SCGB3A1: variants seen among roughly 807,000 people sequenced by gnomAD.
The protein encoded by SCGB3A1 is secretoglobin family 3A member 1.
A neutral mutation model predicts 7.6 loss-of-function variants in SCGB3A1; 7 were observed. The observed-to-expected ratio is 0.93, with a 90% CI of 0.53 to 1.74. The LOEUF is 1.74. SCGB3A1 is among the 40% of genes most tolerant of loss of function. The pLI, the probability that SCGB3A1 is intolerant of heterozygous loss-of-function variation, is 0.00. For synonymous variants in SCGB3A1, 67 were observed against 66.6 expected (o/e 1.01, Z -0.03); for missense variants, 119 against 129.0 (o/e 0.92, Z 0.38).
chr5:180,591,426 G>A lies in SCGB3A1; in HGVS notation c.37C>T (p.Leu13=). The A allele has an allele frequency of 8.1e-7, 1 of 1,227,324 alleles. No individual in the cohort carries two copies. The highest frequency in any genetic ancestry group is 1.0e-6 in the Non-Finnish European group (1 of 985,122). 76.0% of individuals were successfully genotyped at this position (1,227,324 alleles called of 1,614,324 possible). ...GGGCGCTCACCGGAGCTGCAGGACA[G>A]GGCCACGCAGAGCCCCAGGAGGGCG... ...LAALLGLCVA[L]SCSSAAAFLV... The change falls in exon 1 of 3, where the codon CTG becomes TTG. Residue 13 remains leucine, a synonymous_variant. Coordinates refer to ENST00000292641, the MANE Select transcript of SCGB3A1 (RefSeq NM_052863.3).
At chr5:180,590,570 C>G (rs369344250) in intron 2 of SCGB3A1, 30 bp downstream of exon 2, 60 of 1,557,944 alleles carry the variant, frequency 3.9e-5, no homozygotes, top group African/African-American at 2.0e-4. Context: ...GATGCCCGCG[C>G]AGGAAGGGCA....
chr5:180,590,780 C>T lies in SCGB3A1; in HGVS notation c.111G>A (p.Glu37=), dbSNP rs1316580551. The change falls in exon 2 of 3, where the codon GAG becomes GAA. Residue 37 remains glutamate (E), a synonymous_variant. Transcript: ENST00000292641. ...KPVAQPVAAL[E]SAAEAGAGTL... The stretch of plus-strand genomic sequence containing the variant: ...TCCCGGCCCCGGCCTCCGCCGCCGA[C>T]TCCAGCGCAGCGACAGGCTGGGCCA... 1.3e-6 allele frequency: 2 copies of T among 1,596,594 alleles called. No individual in the cohort carries two copies. Among genetic ancestry groups the T allele is most frequent in the Admixed American group, 1.7e-5 (1 of 57,868 alleles).
rs1324340685 is a variant in SCGB3A1, at chr5:180,590,783, C to T, written c.108G>A (p.Leu36=). The T allele has an allele frequency of 6.3e-7, 1 of 1,598,102 alleles. No individual in the cohort carries two copies. The highest frequency in any genetic ancestry group is 8.5e-7 in the Non-Finnish European group (1 of 1,172,902). ...AKPVAQPVAA[L]ESAAEAGAGT... is the part of the protein sequence containing the mutation. ...CGGCCCCGGCCTCCGCCGCCGACTC[C>T]AGCGCAGCGACAGGCTGGGCCACAG... is the stretch of plus-strand genomic sequence containing the variant. Residue 36 remains leucine, a synonymous_variant, in exon 2 of 3, where the codon CTG becomes CTA. Transcript: ENST00000292641.
rs781545845 is a variant in SCGB3A1 at position 180,590,751 on chromosome 5, A to G, written c.140T>C (p.Leu47Pro). 263 of 1,583,614 alleles carry G rather than the reference A, an allele frequency of 1.7e-4. No individual in the cohort carries two copies. Among genetic ancestry groups the G allele is most frequent in the Non-Finnish European group, 2.1e-4 (248 of 1,165,558 alleles). ...ESAAEAGAGTLANPLGTLNPL... is the reference protein window; with the variant it reads ...ESAAEAGAGTPANPLGTLNPL... Reference sequence around the variant, plus strand: ...GTTGAGGGTGCCGAGGGGGTTGGCCAGGGTCCCGGCCCCGGCCTCCGCCGC... The same window carrying G: ...GTTGAGGGTGCCGAGGGGGTTGGCCGGGGTCCCGGCCCCGGCCTCCGCCGC... The change falls in exon 2 of 3, where the codon CTG (leucine) becomes CCG (proline). Residue 47 changes from leucine (L) to proline (P), a missense_variant. By Grantham distance (98) the Leu-to-Pro change is moderately conservative. Transcript: ENST00000292641.
rs183586345 is a variant in SCGB3A1 at position 180,590,388 on chromosome 5, G to A, written c.292-134C>T. ...TGGCGTCTCCGGGGGACGCGCACCC[G>A]CGCGGGGCCATCTCCGCCTTCCCCG... On this transcript the variant is annotated intron_variant, in intron 2 of 2. Coordinates refer to ENST00000292641, the MANE Select transcript of SCGB3A1 (RefSeq NM_052863.3). 205 of 1,245,472 alleles carry A rather than the reference G, an allele frequency of 1.6e-4. 1 individual carries two copies. The highest frequency in any genetic ancestry group is 7.9e-4 in the East Asian group (31 of 39,168). 77.2% of individuals were successfully genotyped at this position (1,245,472 alleles called of 1,614,324 possible).
intron 1 of SCGB3A1, 51 bp downstream of exon 1, chr5:180,591,360 G>A: frequency 1.7e-6 from 2 of 1,190,830 alleles, no homozygotes; most frequent in Non-Finnish European, 2.1e-6. Flanking sequence ...GGCGCAGCGG[G>A]CGCCGAGGCC....
Position 180,590,168 on chromosome 5 carries a change from G to T in SCGB3A1, c.*63C>A. ...GGGATGGACGGTCCTCCCCGCGGCGGGGTTTTCAGCCCTCGCGGGTGGGCA... is the reference window on the plus strand; with the variant it reads ...GGGATGGACGGTCCTCCCCGCGGCGTGGTTTTCAGCCCTCGCGGGTGGGCA... On this transcript the variant is annotated 3_prime_UTR_variant, in exon 3 of 3. Transcript: ENST00000292641. 1 of 1,548,576 alleles carries T rather than the reference G, an allele frequency of 6.5e-7. No homozygotes were observed. Among genetic ancestry groups the T allele is most frequent in the East Asian group, 2.3e-5 (1 of 42,574 alleles).
rs1421912596 is a variant in SCGB3A1 at position 180,590,118 on chromosome 5, G to T, written c.*113C>A. ...CCAGGCTCGAGCTGCTCTTAACCACGTTTATTGAGAGGGGCCGGGGGAAGG... is the reference window on the plus strand; with the variant it reads ...CCAGGCTCGAGCTGCTCTTAACCACTTTTATTGAGAGGGGCCGGGGGAAGG... On this transcript the variant is annotated 3_prime_UTR_variant, in exon 3 of 3. Coordinates refer to ENST00000292641, the MANE Select transcript of SCGB3A1 (RefSeq NM_052863.3). 3.2e-6 allele frequency: 4 copies of T among 1,239,888 alleles called. No individual in the cohort carries two copies. Among genetic ancestry groups the T allele is most frequent in the Non-Finnish European group, 3.5e-6 (3 of 863,352 alleles). The allele number at this position is 1,239,888 out of a possible 1,614,324, so 76.8% of individuals were successfully genotyped here.
intron 2 of SCGB3A1, 118 bp from the exon 3 acceptor site, chr5:180,590,372 C>CG (rs1761289470): frequency 7.3e-7 from 1 of 1,362,858 alleles, no homozygotes; most frequent in Non-Finnish European, 1.0e-6. Flanking sequence ...CTGGCGTCTC[C>CG]GGGGGACGCG....
intron 2 of SCGB3A1, 122 bp from the exon 3 acceptor site, chr5:180,590,376 G>A (rs1037250901): frequency 1.5e-6 from 2 of 1,337,162 alleles, no homozygotes; most frequent in Non-Finnish European, 2.1e-6. Context: ...CGTCTCCGGG[G>A]GACGCGCACC....
At chr5:180,590,865 G>A in intron 1 of SCGB3A1, 27 bp from the exon 2 acceptor site, 2 of 1,555,552 alleles carry the variant, frequency 1.3e-6, no homozygotes, top group Non-Finnish European at 1.8e-6. Flanking sequence ...AGGGGTCACC[G>A]CCTGCGCGCC....
intron 1 of SCGB3A1, 103 bp from the exon 2 acceptor site, chr5:180,590,941 G>GC: frequency 2.4e-6 from 2 of 817,590 alleles, no homozygotes; most frequent in South Asian, 3.9e-5. Flanking sequence ...GTCGCGCCCT[G>GC]CCCGGCTCCC....
intron 2 of SCGB3A1, 101 bp from the exon 3 acceptor site, chr5:180,590,355 G>T (rs1033391899): frequency 2.0e-6 from 3 of 1,471,882 alleles, no homozygotes; most frequent in African/African-American, 2.8e-5. Flanking sequence ...GGAGCGGGGC[G>T]GTTCCGCTGG....
rs549822536 is a variant in SCGB3A1 at position 180,590,178 on chromosome 5, C to G, written c.*53G>C. The G allele has an allele frequency of 1.8e-5, 28 of 1,562,780 alleles. No individual in the cohort carries two copies. In the East Asian group the frequency reaches 5.8e-4, roughly 32 times the overall value. ...GTCCTCCCCGCGGCGGGGTTTTCAGCCCTCGCGGGTGGGCAGCGTCTTGTC... is the reference window on the plus strand; with the variant it reads ...GTCCTCCCCGCGGCGGGGTTTTCAGGCCTCGCGGGTGGGCAGCGTCTTGTC... On this transcript the variant is annotated 3_prime_UTR_variant, in exon 3 of 3. Coordinates refer to ENST00000292641, the MANE Select transcript of SCGB3A1 (RefSeq NM_052863.3).
intron 2 of SCGB3A1, 47 bp downstream of exon 2, chr5:180,590,553 G>T (rs762115197): frequency 4.7e-6 from 7 of 1,476,482 alleles, no homozygotes; most frequent in Non-Finnish European, 6.5e-6. Context: ...GAGGCTGGCC[G>T]GGAAGGGATG....
chr5:180,590,320 G>A (rs1761288364), intron 2 of SCGB3A1, 66 bp from the exon 3 acceptor site: 6 of 1,544,690 alleles, frequency 3.9e-6, no homozygotes, highest in Non-Finnish European at 5.3e-6. Context: ...CGGGGGCGCG[G>A]CAGCGGCCGG....
At chr5:180,591,175 G>T (rs998382150) in intron 1 of SCGB3A1, 9 of 408,558 alleles carry the variant, frequency 2.2e-5, no homozygotes, top group Non-Finnish European at 3.8e-5. Flanking sequence ...CAGACGGGGG[G>T]CAGACGGGTG....
At chr5:180,590,456 A>G in intron 2 of SCGB3A1, 144 bp downstream of exon 2, 1 of 929,914 alleles carries the variant, frequency 1.1e-6, no homozygotes, top group Non-Finnish European at 1.6e-6. Flanking sequence ...CCACCCGGAG[A>G]CCCGGGCTTC....
At position 180,590,569 on chromosome 5, in the gene SCGB3A1, G is replaced by A. The variant is rs762727950; in HGVS notation, c.291+31C>T. ...AGGCTGGCCGGGAAGGGATGCCCGC[G>A]CAGGAAGGGCACCCGGGGTGCCCAC... On this transcript the variant is annotated intron_variant, in intron 2 of 2. Coordinates refer to ENST00000292641, the MANE Select transcript of SCGB3A1 (RefSeq NM_052863.3). The A allele has an allele frequency of 1.9e-6, 3 of 1,546,882 alleles. No individual in the cohort carries two copies. In the East Asian group the frequency reaches 6.8e-5, roughly 35 times the overall value.
Sources: gnomAD v4.1 joint callset for allele counts on GRCh38, gnomAD v4.1.1 for gene constraint, MANE v1.5 for transcripts, NCBI Gene and HGNC (gene_info 2026-07-23, HGNC 2026-07-21) for gene names.